IRAK3: variants seen among roughly 807,000 people sequenced by gnomAD.
The protein encoded by IRAK3 is interleukin 1 receptor associated kinase 3, also known as interleukin-1 receptor-associated kinase 3.
A neutral mutation model predicts 56.6 loss-of-function variants in IRAK3; 57 were observed. That is an observed-to-expected ratio of 1.01 (90% CI 0.81 to 1.26). IRAK3 has a LOEUF of 1.26. IRAK3 is among the 50% of genes most tolerant of loss of function. IRAK3 has a pLI of 0.00. For missense variants in IRAK3, 703 were observed against 719.0 expected (o/e 0.98, Z 0.25); for synonymous variants, 258 against 255.7 (o/e 1.01, Z -0.09).
chr12:66,241,036 G>A (rs931755415), intron 8 of IRAK3, among the ~76,000 whole-genome samples: 2 of 152,032 alleles, frequency 1.3e-5, no homozygotes, highest in Non-Finnish European at 2.9e-5. Flanking sequence ...AGCAAAGAAA[G>A]CAATTCTCAT....
intron 8 of IRAK3, among the ~76,000 whole-genome samples, chr12:66,236,569 A>G (rs975774700): frequency 6.6e-6 from 1 of 151,520 alleles, no homozygotes; most frequent in Non-Finnish European, 1.5e-5. Context: ...CTCCGTCTAA[A>G]AAAAAAAAAG....
At chr12:66,224,599 C>T (rs1191905532) in intron 6 of IRAK3, among the ~76,000 whole-genome samples, 10 of 152,080 alleles carry the variant, frequency 6.6e-5, no homozygotes, top group Admixed American at 6.5e-4. Flanking sequence ...TTTTTCCCTC[C>T]TTTCTCGAGG....
intron 6 of IRAK3, among the ~76,000 whole-genome samples, chr12:66,219,820 C>T (rs1044043203): frequency 5.3e-5 from 8 of 152,296 alleles, no homozygotes; most frequent in Admixed American, 1.3e-4. Context: ...AGCATCTTTT[C>T]ATATACCTCT....
chr12:66,214,706 CTTTAAAAAAATTGACT>C (rs538142855), intron 5 of IRAK3, among the ~76,000 whole-genome samples: 4 of 151,972 alleles, frequency 2.6e-5, no homozygotes, highest in African/African-American at 4.8e-5. Flanking sequence ...AAAAATGAGC[CTTTAAAAAAATTGACT>C]TTTAAAAAAA....
At chr12:66,205,996 A>G (rs2052554671) in intron 2 of IRAK3, among the ~76,000 whole-genome samples, 1 of 152,178 alleles carries the variant, frequency 6.6e-6, no homozygotes. Context: ...GTCCTTATGT[A>G]TCACATTTTG....
chr12:66,203,585 AAAAGTTATAAATAAGAGGAAAGTT>A, intron 1 of IRAK3, 102 bp from the exon 2 acceptor site: 2 of 888,072 alleles, frequency 2.3e-6, no homozygotes, highest in East Asian at 2.6e-5. Flanking sequence ...AGTTCAAAAT[AAAAGTTATAAATAAGAGGAAAGTT>A]AAAGTTATAA....
At chr12:66,191,608 A>C (rs1378849227) in intron 1 of IRAK3, among the ~76,000 whole-genome samples, 1 of 152,212 alleles carries the variant, frequency 6.6e-6, no homozygotes, top group Non-Finnish European at 1.5e-5. Flanking sequence ...GGCCCTGACC[A>C]GGTGCTGCAC....
chr12:66,223,365 TATC>T (rs1418628781), intron 6 of IRAK3, among the ~76,000 whole-genome samples: 1 of 151,984 alleles, frequency 6.6e-6, no homozygotes, highest in African/African-American at 2.4e-5. Context: ...CATTAAAAGT[TATC>T]ATGGTTTGAG....
intron 2 of IRAK3, among the ~76,000 whole-genome samples, chr12:66,208,849 A>G (rs560399751): frequency 6.6e-6 from 1 of 152,204 alleles, no homozygotes; most frequent in African/African-American, 2.4e-5. Context: ...AGATCTCTTG[A>G]GGCCAGGAGT....
chr12:66,246,682 A>G (rs2053036457), intron 11 of IRAK3, among the ~76,000 whole-genome samples: 1 of 152,252 alleles, frequency 6.6e-6, no homozygotes, highest in African/African-American at 2.4e-5. Context: ...TTTATCATCT[A>G]TAAAATGAGA....
At chr12:66,204,422 A>G (rs1390520859) in intron 2 of IRAK3, among the ~76,000 whole-genome samples, 1 of 152,094 alleles carries the variant, frequency 6.6e-6, no homozygotes, top group Non-Finnish European at 1.5e-5. Flanking sequence ...ACCCTGCCTT[A>G]CTTGTTACTA....
At chr12:66,240,668 GCCGTTGGGT>G (rs2052958929) in intron 8 of IRAK3, among the ~76,000 whole-genome samples, 2 of 152,010 alleles carry the variant, frequency 1.3e-5, no homozygotes, top group South Asian at 4.2e-4. Context: ...TCCCAGAGGG[GCCGTTGGGT>G]CCTCTTTATC....
chr12:66,226,758 A>G lies in IRAK3; in HGVS notation c.689A>G (p.Tyr230Cys). The G allele has an allele frequency of 6.2e-7, 1 of 1,610,896 alleles. No individual in the cohort carries two copies. Among genetic ancestry groups the G allele is most frequent in the Non-Finnish European group, 8.5e-7 (1 of 1,177,052 alleles). Residue 230 changes from tyrosine (Y) to cysteine (C), a missense_variant, in exon 7 of 12, where the codon TAT (tyrosine) becomes TGT (cysteine). Physicochemically the swap from Tyr to Cys is radical, Grantham distance 194. Transcript: ENST00000261233. ...CCAAACATACTAGAGTTGGCTGCAT[A>G]TTTTACAGAGACTGAGAAGTTCTGT... ...HHPNILELAA[Y>C]FTETEKFCLI... is the part of the protein sequence containing the mutation.
chr12:66,242,396 T>G (rs1330551195), intron 8 of IRAK3, among the ~76,000 whole-genome samples: 1 of 152,220 alleles, frequency 6.6e-6, no homozygotes, highest in South Asian at 2.1e-4. Context: ...CAGTCTCTTC[T>G]TATCTAGAGC....
chr12:66,228,209 T>TA (rs773878375), intron 7 of IRAK3, 43 bp from the exon 8 acceptor site: 1 of 1,387,472 alleles, frequency 7.2e-7, no homozygotes, highest in South Asian at 1.2e-5. Context: ...AGGTAGTTTT[T>TA]ACTCAGAAAG....
intron 8 of IRAK3, among the ~76,000 whole-genome samples, chr12:66,237,763 T>TGG (rs1483426418): frequency 6.6e-6 from 1 of 152,176 alleles, no homozygotes; most frequent in East Asian, 1.9e-4. Context: ...GAATCTATGG[T>TGG]GGGTGCTTTC....
At chr12:66,209,336 G>A (rs1336009211) in intron 2 of IRAK3, 120 bp from the exon 3 acceptor site, 3 of 689,024 alleles carry the variant, frequency 4.4e-6, no homozygotes, top group Non-Finnish European at 5.3e-6. Flanking sequence ...ATGTTGCATG[G>A]GAATGAAACT....
At chr12:66,246,005 T>C (rs1313323387) in intron 11 of IRAK3, among the ~76,000 whole-genome samples, 3 of 152,044 alleles carry the variant, frequency 2.0e-5, no homozygotes, top group Non-Finnish European at 4.4e-5. Flanking sequence ...ATGCAATGAC[T>C]ACCCTCAAGC....
chr12:66,201,049 T>C (rs1348515067), intron 1 of IRAK3, among the ~76,000 whole-genome samples: 1 of 152,200 alleles, frequency 6.6e-6, no homozygotes, highest in Non-Finnish European at 1.5e-5. Context: ...ACTCCTGACC[T>C]CAAGTGATCC....
Sources: allele counts gnomAD v4.1 joint callset (sites outside exome capture counted in the v4.1 genomes callset), GRCh38; gene constraint gnomAD v4.1.1; transcripts MANE v1.5; gene names NCBI Gene and HGNC (gene_info 2026-07-23, HGNC 2026-07-21).